Variants in ITGBL1 observed in about 807,000 individuals in gnomAD.
The protein encoded by ITGBL1 is integrin subunit beta like 1.
In ITGBL1, 51 loss-of-function variants were observed where a neutral mutation model predicts 68.5. That is an observed-to-expected ratio of 0.74 (90% CI 0.59 to 0.94). ITGBL1 has a LOEUF of 0.94. Among genes scored for constraint, ITGBL1 ranks in the 40% least tolerant of loss-of-function variants. The pLI, the probability that ITGBL1 is intolerant of heterozygous loss-of-function variation, is 0.00. For synonymous variants in ITGBL1, 209 were observed against 227.3 expected (o/e 0.92, Z 0.72); for missense variants, 649 against 647.4 (o/e 1.00, Z -0.03).
intron 2 of ITGBL1, among the ~76,000 whole-genome samples, chr13:101,557,477 A>T (rs1308294012): frequency 6.6e-6 from 1 of 152,232 alleles, no homozygotes; most frequent in Non-Finnish European, 1.5e-5. Context: ...CAAACCATGC[A>T]ATAATTATAA....
At chr13:101,469,497 C>A (rs1455316416) in intron 2 of ITGBL1, among the ~76,000 whole-genome samples, 1 of 152,176 alleles carries the variant, frequency 6.6e-6, no homozygotes, top group Non-Finnish European at 1.5e-5. Context: ...GCCTGGCCAA[C>A]ATGGGTGAAA....
chr13:101,661,678 A>G (rs2033093889), intron 7 of ITGBL1, among the ~76,000 whole-genome samples: 1 of 152,210 alleles, frequency 6.6e-6, no homozygotes, highest in Non-Finnish European at 1.5e-5. Context: ...ATCTTTCATC[A>G]TGCTATTTCA....
At chr13:101,676,002 G>GT (rs1459327872) in intron 7 of ITGBL1, among the ~76,000 whole-genome samples, 3 of 151,818 alleles carry the variant, frequency 2.0e-5, no homozygotes, top group African/African-American at 7.3e-5. Context: ...CACTTTATTT[G>GT]TTTTTTACAG....
intron 2 of ITGBL1, among the ~76,000 whole-genome samples, chr13:101,507,407 T>A (rs1207637041): frequency 6.6e-6 from 1 of 152,184 alleles, no homozygotes; most frequent in Non-Finnish European, 1.5e-5. Flanking sequence ...TGTGATTGTG[T>A]TGAACAAAAA....
intron 2 of ITGBL1, among the ~76,000 whole-genome samples, chr13:101,463,852 A>G (rs1426097123): frequency 6.6e-6 from 1 of 151,710 alleles, no homozygotes; most frequent in East Asian, 1.9e-4. Flanking sequence ...GTTGTGTGTT[A>G]TTTAATCATA....
Position 101,507,036 on chromosome 13 carries a change from G to T in ITGBL1, c.316+52936G>T, listed in dbSNP as rs554984594. ...AAGAAGAAATAAGAAAAACCTGGTT[G>T]CTGAGGTGAAGAAGACATTTGGGAG... is the stretch of plus-strand genomic sequence containing the variant. On this transcript the variant is annotated intron_variant, in intron 2 of 10. Transcript: ENST00000376180. 2.6e-5 allele frequency among the ~76,000 whole-genome samples: 4 copies of T among 152,302 alleles called. No homozygotes were observed. In the South Asian group the frequency reaches 8.3e-4, roughly 32 times the overall value.
intron 2 of ITGBL1, among the ~76,000 whole-genome samples, chr13:101,490,673 G>A (rs78128512): frequency 0.062 from 9,471 of 152,224 alleles, 411 homozygotes; most frequent in Non-Finnish European, 0.091. Context: ...TTGGAAATGG[G>A]CACAGAGAAG....
chr13:101,693,249 C>T (rs1378761488), intron 8 of ITGBL1, among the ~76,000 whole-genome samples: 2 of 152,102 alleles, frequency 1.3e-5, no homozygotes, highest in East Asian at 3.8e-4. Context: ...AGTGCTGATC[C>T]GAGCACCTCC....
chr13:101,514,455 AT>A (rs923027990), intron 2 of ITGBL1, among the ~76,000 whole-genome samples: 3 of 145,868 alleles, frequency 2.1e-5, no homozygotes, highest in Admixed American at 6.7e-5. Flanking sequence ...AATTATTATT[AT>A]TTTTTTTGGT....
rs528454332 is a variant in ITGBL1, at chr13:101,541,512, C to A, written c.317-26187C>A. Among the ~76,000 whole-genome samples the A allele has an allele frequency of 1.3e-3, 198 of 152,114 alleles. 2 individuals carry two copies. Among genetic ancestry groups the A allele is most frequent in the African/African-American group, 4.7e-3 (193 of 41,440 alleles). On this transcript the variant is annotated intron_variant, in intron 2 of 10. Transcript: ENST00000376180. ...TCATCAGGGATATTAGTCGAAAATTCTCTTTTTGTTGTTGTGTCTCTGCCA... is the reference window on the plus strand; with the variant it reads ...TCATCAGGGATATTAGTCGAAAATTATCTTTTTGTTGTTGTGTCTCTGCCA...
intron 2 of ITGBL1, among the ~76,000 whole-genome samples, chr13:101,510,960 T>C (rs1029274137): frequency 3.3e-5 from 5 of 152,088 alleles, no homozygotes; most frequent in African/African-American, 1.2e-4. Context: ...GTTTAGTCTG[T>C]TGATGATTTC....
At chr13:101,587,023 T>C (rs2050569000) in intron 6 of ITGBL1, among the ~76,000 whole-genome samples, 1 of 152,138 alleles carries the variant, frequency 6.6e-6, no homozygotes, top group African/African-American at 2.4e-5. Flanking sequence ...ATAATAAGGC[T>C]CTGATGAAAT....
intron 2 of ITGBL1, among the ~76,000 whole-genome samples, chr13:101,500,847 A>C (rs1194281021): frequency 3.9e-5 from 6 of 152,202 alleles, no homozygotes; most frequent in Non-Finnish European, 8.8e-5. Context: ...AGTCTACTGC[A>C]ACATCCAGTC....
intron 2 of ITGBL1, among the ~76,000 whole-genome samples, chr13:101,472,903 G>T: frequency 6.6e-6 from 1 of 152,130 alleles, no homozygotes; most frequent in African/African-American, 2.4e-5. Context: ...AAAATGGACT[G>T]CTTTCTCATA....
chr13:101,541,086 A>G (rs1243821538), intron 2 of ITGBL1, among the ~76,000 whole-genome samples: 2 of 141,624 alleles, frequency 1.4e-5, no homozygotes, highest in Admixed American at 1.5e-4. Context: ...AACTTCCAAC[A>G]CTATGTTGTA....
intron 10 of ITGBL1, chr13:101,715,315 GGAGT>G (rs1295822956): frequency 3.1e-5 from 13 of 421,966 alleles, no homozygotes; most frequent in Non-Finnish European, 4.7e-5. Context: ...AAGCCTAGCT[GGAGT>G]GATACAGGAT....
intron 2 of ITGBL1, among the ~76,000 whole-genome samples, chr13:101,496,361 TCC>T (rs1235936758): frequency 3.7e-4 from 57 of 152,250 alleles, no homozygotes; most frequent in African/African-American, 1.3e-3. Context: ...TGTTTCAAAT[TCC>T]CTCACTGTAA....
intron 2 of ITGBL1, among the ~76,000 whole-genome samples, chr13:101,486,225 G>A (rs2048700712): frequency 6.6e-6 from 1 of 152,168 alleles, no homozygotes; most frequent in African/African-American, 2.4e-5. Flanking sequence ...ATTATTCTAA[G>A]TGAAGTAACT....
chr13:101,636,984 A>T (rs2032190158), intron 7 of ITGBL1, among the ~76,000 whole-genome samples: 1 of 152,144 alleles, frequency 6.6e-6, no homozygotes, highest in East Asian at 1.9e-4. Flanking sequence ...TCTGAAAGCA[A>T]CTCTTTACTG....
Sources: allele counts gnomAD v4.1 joint callset (sites outside exome capture counted in the v4.1 genomes callset), GRCh38; gene constraint gnomAD v4.1.1; transcripts MANE v1.5; gene names NCBI Gene and HGNC (gene_info 2026-07-23, HGNC 2026-07-21).